AUTS2: variants seen among roughly 807,000 people sequenced by gnomAD.
AUTS2 encodes the protein autism susceptibility gene 2 protein.
Under a neutral mutation model 112.4 loss-of-function variants are expected in AUTS2, and 17 were observed. The ratio of observed to expected loss-of-function variants is 0.15; its 90% confidence interval spans 0.10 to 0.23. The LOEUF is 0.23. Among genes scored for constraint, AUTS2 ranks in the 10% least tolerant of loss-of-function variants. The pLI, the probability that AUTS2 is intolerant of heterozygous loss-of-function variation, is 1.00. For missense variants in AUTS2, 1,510 were observed against 1,701.6 expected, an observed-to-expected ratio of 0.89 and a Z score of 1.98; for synonymous variants, 751 against 702.7, an observed-to-expected ratio of 1.07 and a Z score of -1.09.
intron 1 of AUTS2, among the ~76,000 whole-genome samples, chr7:69,642,855 A>C (rs1484867453): frequency 6.6e-6 from 1 of 152,218 alleles, no homozygotes; most frequent in Non-Finnish European, 1.5e-5. Flanking sequence ...ATCAATTGAT[A>C]TATAACAACA....
chr7:69,617,681 C>T (rs1793452871), intron 1 of AUTS2, among the ~76,000 whole-genome samples: 1 of 152,186 alleles, frequency 6.6e-6, no homozygotes, highest in Admixed American at 6.5e-5. Context: ...GATGTATAAA[C>T]AAGAGCACAT....
intron 1 of AUTS2, among the ~76,000 whole-genome samples, chr7:69,715,655 G>A (rs900659968): frequency 1.3e-5 from 2 of 152,126 alleles, no homozygotes; most frequent in African/African-American, 4.8e-5. Context: ...ATGAAGGATT[G>A]GTGTTGGGTA....
intron 5 of AUTS2, among the ~76,000 whole-genome samples, chr7:70,649,549 G>T (rs1298772758): frequency 9.6e-6 from 1 of 104,192 alleles, no homozygotes; most frequent in Non-Finnish European, 2.0e-5. Flanking sequence ...TATTTTTTGA[G>T]ACGGAGTCTC....
intron 1 of AUTS2, among the ~76,000 whole-genome samples, chr7:69,631,882 A>G (rs186793775): frequency 1.8e-4 from 28 of 152,318 alleles, no homozygotes; most frequent in Admixed American, 4.6e-4. Flanking sequence ...CCTAAGGATA[A>G]CTTTATAATT....
chr7:70,032,158 T>A (rs937694216), intron 2 of AUTS2, among the ~76,000 whole-genome samples: 6 of 152,080 alleles, frequency 3.9e-5, no homozygotes, highest in Non-Finnish European at 8.8e-5. Flanking sequence ...ATCCAGGTCC[T>A]TAAAAAAAGG....
At chr7:70,020,033 G>T (rs992144841) in intron 2 of AUTS2, among the ~76,000 whole-genome samples, 2 of 152,192 alleles carry the variant, frequency 1.3e-5, no homozygotes, top group African/African-American at 4.8e-5. Context: ...AGGTAAAAGA[G>T]AATATTAATG....
At chr7:69,871,050 C>T (rs1189190431) in intron 1 of AUTS2, among the ~76,000 whole-genome samples, 1 of 152,110 alleles carries the variant, frequency 6.6e-6, no homozygotes, top group Non-Finnish European at 1.5e-5. Context: ...ATGAAATGAA[C>T]TCAGAGGTTT....
chr7:70,425,080 T>C (rs1795377723), intron 4 of AUTS2, among the ~76,000 whole-genome samples: 1 of 152,176 alleles, frequency 6.6e-6, no homozygotes, highest in African/African-American at 2.4e-5. Flanking sequence ...GAGATGGACA[T>C]TGACCCTTTG....
At chr7:69,690,106 G>A (rs558433594) in intron 1 of AUTS2, among the ~76,000 whole-genome samples, 3 of 152,154 alleles carry the variant, frequency 2.0e-5, no homozygotes, top group South Asian at 2.1e-4. Context: ...TACTTTTTTG[G>A]TCTGTTACTG....
Position 70,606,374 on chromosome 7 carries a change from A to G in AUTS2, c.691-92195A>G, listed in dbSNP as rs112223546. Reference sequence around the variant, plus strand: ...TTATATTTATATTTGCAGCCCATCAATAATTACATTAATGATGAACTTGGT... The same window carrying G: ...TTATATTTATATTTGCAGCCCATCAGTAATTACATTAATGATGAACTTGGT... On this transcript the variant is annotated intron_variant, in intron 5 of 18. Transcript: ENST00000342771. 7.1e-3 allele frequency among the ~76,000 whole-genome samples: 1,074 copies of G among 152,210 alleles called. 14 individuals carry two copies. Among genetic ancestry groups the G allele is most frequent in the African/African-American group, 0.025 (1,024 of 41,512 alleles).
chr7:69,629,688 TA>T (rs1254036990), intron 1 of AUTS2, among the ~76,000 whole-genome samples: 1 of 152,178 alleles, frequency 6.6e-6, no homozygotes, highest in African/African-American at 2.4e-5. Context: ...AGTAATTTCC[TA>T]AAATCACCGC....
At chr7:69,931,598 A>G (rs1035337272) in intron 2 of AUTS2, among the ~76,000 whole-genome samples, 1 of 152,088 alleles carries the variant, frequency 6.6e-6, no homozygotes, top group Non-Finnish European at 1.5e-5. Flanking sequence ...CGTTTGTGCC[A>G]TTGTCGCAAC....
At chr7:70,731,721 G>A (rs991551705) in intron 6 of AUTS2, among the ~76,000 whole-genome samples, 2 of 149,960 alleles carry the variant, frequency 1.3e-5, no homozygotes, top group Admixed American at 6.8e-5. Flanking sequence ...GAGCCACCGC[G>A]CCCAGTCTCC....
At chr7:70,730,660 G>A (rs533465902) in intron 6 of AUTS2, among the ~76,000 whole-genome samples, 9 of 149,334 alleles carry the variant, frequency 6.0e-5, no homozygotes, top group East Asian at 2.1e-4. Flanking sequence ...ATCAGTTGAC[G>A]GACATTCAAG....
At chr7:69,728,699 A>G (rs1485350240) in intron 1 of AUTS2, among the ~76,000 whole-genome samples, 1 of 73,316 alleles carries the variant, frequency 1.4e-5, no homozygotes, top group African/African-American at 5.4e-5. Flanking sequence ...TTTTTTTTTT[A>G]ATTTAAACAC....
intron 4 of AUTS2, among the ~76,000 whole-genome samples, chr7:70,330,681 T>A (rs139250482): frequency 5.3e-5 from 8 of 152,356 alleles, no homozygotes; most frequent in Middle Eastern, 3.4e-3. Flanking sequence ...AGAATTTTGA[T>A]AGAGATTGCA....
intron 1 of AUTS2, among the ~76,000 whole-genome samples, chr7:69,662,082 A>G (rs766188007): frequency 2.0e-5 from 3 of 151,768 alleles, no homozygotes; most frequent in Non-Finnish European, 4.4e-5. Context: ...CCCACCGCCC[A>G]TGTATACTTC....
At chr7:69,830,632 GA>G (rs1421372208) in intron 1 of AUTS2, among the ~76,000 whole-genome samples, 2 of 152,100 alleles carry the variant, frequency 1.3e-5, no homozygotes, top group African/African-American at 4.8e-5. Flanking sequence ...TATAACTGAG[GA>G]AGCGTTTGTT....
At chr7:70,209,790 A>C (rs554701935) in intron 4 of AUTS2, among the ~76,000 whole-genome samples, 2 of 152,188 alleles carry the variant, frequency 1.3e-5, no homozygotes, top group Non-Finnish European at 2.9e-5. Context: ...TGAAACAAAA[A>C]ATTAACCTAG....
Sources: allele counts gnomAD v4.1 joint callset (sites outside exome capture counted in the v4.1 genomes callset), GRCh38; gene constraint gnomAD v4.1.1; transcripts MANE v1.5; gene names NCBI Gene and HGNC (gene_info 2026-07-23, HGNC 2026-07-21).